Variants in ATF7IP observed in about 807,000 individuals in gnomAD.
ATF7IP encodes the protein activating transcription factor 7-interacting protein 1.
ATF7IP carries 23 observed loss-of-function variants against 106.4 expected under a neutral mutation model. That is an observed-to-expected ratio of 0.22 (90% CI 0.16 to 0.31). The LOEUF (loss-of-function observed/expected upper bound fraction) is 0.31, where lower values mean the gene tolerates loss of function less well. ATF7IP is among the 10% of genes least tolerant of loss of function. The pLI is 1.00. For synonymous variants in ATF7IP, 542 were observed against 539.0 expected, an observed-to-expected ratio of 1.01 and a Z score of -0.08; for missense variants, 1,334 against 1,524.3, an observed-to-expected ratio of 0.88 and a Z score of 2.08.
At chr12:14,478,094 G>T (rs1218579704) in intron 11 of ATF7IP, among the ~76,000 whole-genome samples, 1 of 152,142 alleles carries the variant, frequency 6.6e-6, no homozygotes, top group African/African-American at 2.4e-5. Flanking sequence ...TTCTGTAAAC[G>T]TGAATTTGAA....
chr12:14,373,384 A>C (rs934782805), intron 1 of ATF7IP, among the ~76,000 whole-genome samples: 6 of 152,212 alleles, frequency 3.9e-5, no homozygotes, highest in African/African-American at 1.4e-4. Flanking sequence ...TATGGCTTCC[A>C]TCACTAGGTG....
At chr12:14,375,576 A>G (rs1177727853) in intron 1 of ATF7IP, among the ~76,000 whole-genome samples, 2 of 152,232 alleles carry the variant, frequency 1.3e-5, no homozygotes, top group Non-Finnish European at 2.9e-5. Flanking sequence ...GAACAAAAGA[A>G]AAAACAAAAA....
chr12:14,479,608 A>G (rs1944370646), intron 12 of ATF7IP, among the ~76,000 whole-genome samples: 1 of 152,124 alleles, frequency 6.6e-6, no homozygotes, highest in Non-Finnish European at 1.5e-5. Flanking sequence ...TTGTTAATTA[A>G]CCTTTGAGTT....
chr12:14,458,444 A>ATATT (rs1943517127), intron 8 of ATF7IP, among the ~76,000 whole-genome samples: 1 of 152,230 alleles, frequency 6.6e-6, no homozygotes, highest in Non-Finnish European at 1.5e-5. Context: ...CTTCTTTAAT[A>ATATT]CTATCCAGTA....
At chr12:14,427,746 C>T (rs1941929559) in intron 2 of ATF7IP, among the ~76,000 whole-genome samples, 1 of 152,024 alleles carries the variant, frequency 6.6e-6, no homozygotes, top group African/African-American at 2.4e-5. Context: ...TTCTTTCACA[C>T]CCCATAATTA....
At chr12:14,474,680 C>T (rs10734877) in intron 10 of ATF7IP, among the ~76,000 whole-genome samples, 152,301 of 152,304 alleles carry the variant, frequency 1, 76,149 homozygotes, top group Non-Finnish European at 1. Flanking sequence ...ATTACAGGCG[C>T]GAGCCACTGC....
At position 14,410,339 on chromosome 12, in the gene ATF7IP, G is replaced by A. The variant is rs558955110; in HGVS notation, c.-7-13570G>A. Among the ~76,000 whole-genome samples, 61 of 152,232 alleles carry A rather than the reference G, an allele frequency of 4.0e-4. 1 individual carries two copies. Among genetic ancestry groups the A allele is most frequent in the South Asian group, 8.3e-4 (4 of 4,828 alleles). On this transcript the variant is annotated intron_variant, in intron 1 of 14. Coordinates refer to ENST00000261168, the MANE Select transcript of ATF7IP (RefSeq NM_018179.5). The stretch of plus-strand genomic sequence containing the variant: ...CTCATGCCATTCTCTTCTGTCCTAC[G>A]TAGGATATGAACCATCCCTTTGTCC...
chr12:14,443,385 A>C (rs1591872180), intron 5 of ATF7IP, among the ~76,000 whole-genome samples: 1 of 152,174 alleles, frequency 6.6e-6, no homozygotes, highest in Non-Finnish European at 1.5e-5. Context: ...AAGAAGAGAA[A>C]AAAACATAGT....
At chr12:14,394,563 T>A (rs1243209005) in intron 1 of ATF7IP, among the ~76,000 whole-genome samples, 1 of 152,212 alleles carries the variant, frequency 6.6e-6, no homozygotes, top group Non-Finnish European at 1.5e-5. Flanking sequence ...AAATGAGGAC[T>A]GCTTTATGTA....
Position 14,475,761 on chromosome 12 carries a change from C to T in ATF7IP, c.2863-129C>T, listed in dbSNP as rs114721880. The T allele has an allele frequency of 1.1e-5, 7 of 613,776 alleles. No individual in the cohort carries two copies. In the Admixed American group the frequency reaches 1.3e-4, roughly 11 times the overall value. The allele number at this position is 613,776 out of a possible 1,614,324, so 38.0% of individuals were successfully genotyped here. On this transcript the variant is annotated intron_variant, in intron 10 of 14. Transcript: ENST00000261168. ...CTGACAAACTCTCTTTATTCAGGTA[C>T]AGCCATTTAAGGGTCCAGATTGAAC...
intron 9 of ATF7IP, 149 bp downstream of exon 9, chr12:14,461,282 C>T: frequency 1.4e-6 from 1 of 740,432 alleles, no homozygotes; most frequent in Non-Finnish European, 2.1e-6. Context: ...TTTTAGATAC[C>T]TGAGAGAAAT....
At chr12:14,394,359 TGTG>T (rs1939724992) in intron 1 of ATF7IP, among the ~76,000 whole-genome samples, 1 of 152,184 alleles carries the variant, frequency 6.6e-6, no homozygotes, top group Non-Finnish European at 1.5e-5. Context: ...ATATTTTTCT[TGTG>T]GTGGGGGGTG....
intron 1 of ATF7IP, among the ~76,000 whole-genome samples, chr12:14,373,722 C>T (rs956025113): frequency 6.6e-6 from 1 of 152,036 alleles, no homozygotes; most frequent in African/African-American, 2.4e-5. Context: ...AACTATTTCT[C>T]TTTTAAGATT....
chr12:14,382,116 C>T (rs1012990035), intron 1 of ATF7IP, among the ~76,000 whole-genome samples: 7 of 152,136 alleles, frequency 4.6e-5, no homozygotes, highest in East Asian at 1.9e-4. Flanking sequence ...GAGAGAGTCT[C>T]GTGAGCCCAG....
chr12:14,445,299 A>G (rs1942903299), intron 5 of ATF7IP, among the ~76,000 whole-genome samples: 1 of 151,100 alleles, frequency 6.6e-6, no homozygotes, highest in African/African-American at 2.4e-5. Context: ...CACCTATATG[A>G]TTTGACTAAA....
intron 1 of ATF7IP, chr12:14,420,343 A>C (rs1941431814): frequency 6.6e-6 from 1 of 152,234 alleles, no homozygotes; most frequent in East Asian, 1.9e-4. Flanking sequence ...ATTGATAAAG[A>C]AGTTGGCCTG....
intron 6 of ATF7IP, among the ~76,000 whole-genome samples, chr12:14,448,257 C>G (rs1030743415): frequency 6.6e-6 from 1 of 152,248 alleles, no homozygotes; most frequent in African/African-American, 2.4e-5. Context: ...GAACTCTTCC[C>G]CTAGCTTCCC....
intron 10 of ATF7IP, among the ~76,000 whole-genome samples, chr12:14,471,432 C>G (rs1343283344): frequency 1.3e-5 from 2 of 152,148 alleles, no homozygotes; most frequent in Non-Finnish European, 2.9e-5. Flanking sequence ...GGTTTTGACA[C>G]TGTATTACAT....
intron 1 of ATF7IP, among the ~76,000 whole-genome samples, chr12:14,389,689 G>A (rs1324634000): frequency 1.3e-5 from 2 of 151,984 alleles, no homozygotes; most frequent in Non-Finnish European, 2.9e-5. Context: ...GTGCAATGGC[G>A]CGATCTCGGC....
Sources: allele counts gnomAD v4.1 joint callset (sites outside exome capture counted in the v4.1 genomes callset), GRCh38; gene constraint gnomAD v4.1.1; transcripts MANE v1.5; gene names NCBI Gene and HGNC (gene_info 2026-07-23, HGNC 2026-07-21).